PRKG2: variants seen among roughly 807,000 people sequenced by gnomAD.
PRKG2 encodes the protein cGMP-dependent protein kinase 2.
Under a neutral mutation model 97.2 loss-of-function variants are expected in PRKG2, and 33 were observed. The ratio of observed to expected loss-of-function variants is 0.34; its 90% CI spans 0.26 to 0.45. The LOEUF is 0.45. Ranked by LOEUF, PRKG2 falls within the 20% of genes least tolerant of loss-of-function variation. The pLI, the probability that PRKG2 is intolerant of heterozygous loss-of-function variation, is 1.00. For synonymous variants in PRKG2, 330 were observed against 321.8 expected, an observed-to-expected ratio of 1.03 and a Z score of -0.27; for missense variants, 638 against 900.0, an observed-to-expected ratio of 0.71 and a Z score of 3.73.
intron 6 of PRKG2, among the ~76,000 whole-genome samples, chr4:81,158,795 A>G (rs142302444): frequency 6.6e-6 from 1 of 152,092 alleles, no homozygotes; most frequent in Non-Finnish European, 1.5e-5. Context: ...ATAACGTCAC[A>G]TATCTACAAC....
chr4:81,104,273 G>A (rs1468610031), intron 17 of PRKG2, 97 bp downstream of exon 17: 3 of 770,464 alleles, frequency 3.9e-6, no homozygotes, highest in Non-Finnish European at 5.8e-6. Flanking sequence ...TGAAAGTCTG[G>A]AAAGGGACCT....
At chr4:81,155,231 TTAAAGGAGC>T (rs1748932985) in intron 6 of PRKG2, among the ~76,000 whole-genome samples, 1 of 149,034 alleles carries the variant, frequency 6.7e-6, no homozygotes, top group South Asian at 2.1e-4. Context: ...AGAAAAGTGC[TTAAAGGAGC>T]TGATGGAGCT....
At chr4:81,132,544 G>T (rs577432883) in intron 14 of PRKG2, among the ~76,000 whole-genome samples, 1 of 152,230 alleles carries the variant, frequency 6.6e-6, no homozygotes, top group East Asian at 1.9e-4. Context: ...ATACACTGAA[G>T]AATGTCCTGA....
intron 14 of PRKG2, among the ~76,000 whole-genome samples, chr4:81,134,345 T>G (rs1180760001): frequency 6.6e-6 from 1 of 152,210 alleles, no homozygotes; most frequent in Non-Finnish European, 1.5e-5. Flanking sequence ...CTATTTTTAT[T>G]TCCTTTTATA....
intron 2 of PRKG2, among the ~76,000 whole-genome samples, chr4:81,194,917 A>C (rs935091685): frequency 8.2e-6 from 1 of 122,622 alleles, no homozygotes; most frequent in Non-Finnish European, 1.6e-5. Flanking sequence ...GGGAGCTTTT[A>C]ATATACATAT....
intron 2 of PRKG2, among the ~76,000 whole-genome samples, chr4:81,177,985 T>G (rs1751083193): frequency 6.6e-6 from 1 of 151,038 alleles, no homozygotes; most frequent in African/African-American, 2.4e-5. Flanking sequence ...AGTTCAGGTT[T>G]AAAGCACACC....
upstream of PRKG2, among the ~76,000 whole-genome samples, chr4:81,215,707 C>T (rs1161124426): frequency 6.6e-6 from 1 of 150,950 alleles, no homozygotes; most frequent in African/African-American, 2.4e-5. Context: ...TCGACGCGCC[C>T]CTCCCGGACT....
At chr4:81,187,219 A>G (rs1751960832) in intron 2 of PRKG2, among the ~76,000 whole-genome samples, 1 of 152,200 alleles carries the variant, frequency 6.6e-6, no homozygotes, top group Non-Finnish European at 1.5e-5. Context: ...TGATGCAAAA[A>G]TCCTCAATAA....
intron 14 of PRKG2, among the ~76,000 whole-genome samples, chr4:81,119,929 C>T (rs1031931899): frequency 1.3e-4 from 20 of 152,108 alleles, no homozygotes; most frequent in Non-Finnish European, 5.9e-5. Context: ...CCACCTCAGC[C>T]TCCCAAACAA....
rs574120752 is a variant in PRKG2, at chr4:81,138,147, A to G, written c.1545-665T>C. On this transcript the variant is annotated intron_variant, in intron 12 of 18. Transcript: ENST00000264399. Reference sequence around the variant, plus strand: ...TGAGCAAGGTGGTTCTCTTCACCAAATAAAAACAAAAACCAATGCCCAGAG... The same window carrying G: ...TGAGCAAGGTGGTTCTCTTCACCAAGTAAAAACAAAAACCAATGCCCAGAG... Among the ~76,000 whole-genome samples the G allele has an allele frequency of 2.0e-5, 3 of 152,334 alleles. No individual in the cohort carries two copies. The East Asian group carries it at 5.8e-4, about 29-fold the overall frequency.
chr4:81,193,313 T>G (rs1206416756), intron 2 of PRKG2: 1 of 152,220 alleles, frequency 6.6e-6, no homozygotes, highest in Non-Finnish European at 1.5e-5. Context: ...CTTCTGCCAC[T>G]TACTAACTGC....
intron 14 of PRKG2, among the ~76,000 whole-genome samples, chr4:81,117,051 G>C (rs1370282605): frequency 7.0e-6 from 1 of 142,838 alleles, no homozygotes; most frequent in Non-Finnish European, 1.5e-5. Flanking sequence ...GGAGTGCAGT[G>C]GCATGATCTT....
At chr4:81,188,154 A>C (rs1160027474) in intron 2 of PRKG2, among the ~76,000 whole-genome samples, 1 of 152,120 alleles carries the variant, frequency 6.6e-6, no homozygotes, top group East Asian at 1.9e-4. Context: ...AGAATCTACA[A>C]TGAACTCAAA....
At chr4:81,111,480 A>G (rs72871776) in intron 14 of PRKG2, among the ~76,000 whole-genome samples, 14,827 of 150,320 alleles carry the variant, frequency 0.099, 1,333 homozygotes, top group East Asian at 0.39. Context: ...ACATGATATA[A>G]TTGAAGAAAG....
chr4:81,136,989 G>A (rs1560568988), intron 13 of PRKG2, among the ~76,000 whole-genome samples: 1 of 152,106 alleles, frequency 6.6e-6, no homozygotes. Flanking sequence ...ACCCCCTTGT[G>A]TAAAACTGAA....
At position 81,204,788 on chromosome 4, in the gene PRKG2, T is replaced by C. The variant is rs1228525457; in HGVS notation, c.260A>G (p.His87Arg). The C allele has an allele frequency of 1.2e-6, 2 of 1,614,190 alleles. No homozygotes were observed. Among genetic ancestry groups the C allele is most frequent in the Non-Finnish European group, 8.5e-7 (1 of 1,180,034 alleles). ...CTGAAGCGGGCTTCCTCCCTGCATA[T>C]GCACCACATCCTGCAGCTTGTTCAG... The part of the protein sequence containing the change: ...IQLNKLQDVV[H>R]MQGGSPLQAS... The change falls in exon 2 of 19, where the codon CAT (histidine) becomes CGT (arginine). Residue 87 changes from histidine to arginine, a missense_variant. Physicochemically the swap from His to Arg is conservative, Grantham distance 29 (BLOSUM62 0). Transcript: ENST00000264399.
intron 17 of PRKG2, among the ~76,000 whole-genome samples, chr4:81,098,105 T>C (rs185194458): frequency 1.4e-4 from 21 of 152,256 alleles, no homozygotes; most frequent in African/African-American, 5.1e-4. Flanking sequence ...GTAATCTCAG[T>C]GGGCACAACC....
At chr4:81,157,377 CAGGAAGA>C (rs1749199425) in intron 6 of PRKG2, among the ~76,000 whole-genome samples, 1 of 152,058 alleles carries the variant, frequency 6.6e-6, no homozygotes, top group South Asian at 2.1e-4. Flanking sequence ...AAGACTAAAC[CAGGAAGA>C]AGTTGAATCT....
At chr4:81,106,423 G>GC (rs932074210) in intron 15 of PRKG2, among the ~76,000 whole-genome samples, 7 of 152,270 alleles carry the variant, frequency 4.6e-5, no homozygotes, top group African/African-American at 1.7e-4. Context: ...GAGTGAGGAA[G>GC]CAAGAGGGGA....
Sources: allele counts gnomAD v4.1 joint callset (sites outside exome capture counted in the v4.1 genomes callset), GRCh38; gene constraint gnomAD v4.1.1; transcripts MANE v1.5; gene names NCBI Gene and HGNC (gene_info 2026-07-23, HGNC 2026-07-21).